The following BAZ1A variants were observed in gnomAD, a reference collection of about 807,000 sequenced individuals.
BAZ1A encodes the protein bromodomain adjacent to zinc finger domain protein 1A.
In BAZ1A, 50 loss-of-function variants were observed where a neutral mutation model predicts 185.2. The observed-to-expected ratio is 0.27, with a 90% CI of 0.22 to 0.34. The LOEUF is 0.34. Among genes scored for constraint, BAZ1A ranks in the 10% least tolerant of loss-of-function variants. BAZ1A has a pLI of 1.00. For missense variants in BAZ1A, 1,356 were observed against 1,839.9 expected (o/e 0.74, Z 4.81); for synonymous variants, 571 against 615.6 (o/e 0.93, Z 1.07).
At chr14:34,864,923 C>T (rs2042833012) in intron 2 of BAZ1A, among the ~76,000 whole-genome samples, 1 of 151,912 alleles carries the variant, frequency 6.6e-6, no homozygotes, top group Admixed American at 6.6e-5. Flanking sequence ...ACTAAAGGCA[C>T]ATGCCACCAT....
Position 34,757,138 on chromosome 14 carries a change from A to G in BAZ1A, c.4386+1566T>C, listed in dbSNP as rs1886285894. 3.3e-5 allele frequency among the ~76,000 whole-genome samples: 5 copies of G among 151,978 alleles called. No individual in the cohort carries two copies. In the South Asian group the frequency reaches 1.0e-3, roughly 32 times the overall value. On this transcript the variant is annotated intron_variant, in intron 25 of 26. Transcript: ENST00000360310. ...CCAGCACTTTGGGAGGCCAAGACACATGGATCACCTGAGGTTAGGAGTTTG... is the reference window on the plus strand; with the variant it reads ...CCAGCACTTTGGGAGGCCAAGACACGTGGATCACCTGAGGTTAGGAGTTTG...
At chr14:34,833,238 C>T (rs190061250) in intron 3 of BAZ1A, among the ~76,000 whole-genome samples, 9 of 152,020 alleles carry the variant, frequency 5.9e-5, no homozygotes, top group Non-Finnish European at 1.3e-4. Flanking sequence ...AACAAAAAAC[C>T]CCAAGCTTGG....
intron 2 of BAZ1A, among the ~76,000 whole-genome samples, chr14:34,869,172 A>G (rs953045881): frequency 1.3e-5 from 2 of 151,888 alleles, no homozygotes. Flanking sequence ...TCATGACTGC[A>G]CTCTAGCCTG....
chr14:34,786,085 A>G, intron 13 of BAZ1A, 41 bp downstream of exon 13: 1 of 1,569,426 alleles, frequency 6.4e-7, no homozygotes, highest in Non-Finnish European at 8.6e-7. Flanking sequence ...TAAAATTAAA[A>G]ATAAAAAGCC....
chr14:34,779,572 T>C (rs1202738351), intron 17 of BAZ1A, among the ~76,000 whole-genome samples: 2 of 152,130 alleles, frequency 1.3e-5, no homozygotes, highest in Non-Finnish European at 2.9e-5. Flanking sequence ...AAAGATCCCA[T>C]GCAAATTATA....
At chr14:34,758,300 G>GGCCA (rs1290548043) in intron 25 of BAZ1A, among the ~76,000 whole-genome samples, 2 of 146,596 alleles carry the variant, frequency 1.4e-5, no homozygotes, top group Non-Finnish European at 3.0e-5. Flanking sequence ...AAGAAGACAT[G>GGCCA]GCCAGGTGTG....
At chr14:34,852,020 G>A (rs1359440030) in intron 3 of BAZ1A, among the ~76,000 whole-genome samples, 10 of 152,036 alleles carry the variant, frequency 6.6e-5, no homozygotes, top group African/African-American at 2.2e-4. Context: ...CCAGTTACTC[G>A]GGAGGCTGGG....
intron 25 of BAZ1A, among the ~76,000 whole-genome samples, chr14:34,758,039 G>A (rs1175476623): frequency 2.0e-5 from 3 of 146,718 alleles, no homozygotes; most frequent in African/African-American, 5.1e-5. Context: ...GAGCCACAGC[G>A]CCCGGCCAAC....
intron 3 of BAZ1A, among the ~76,000 whole-genome samples, chr14:34,851,909 C>T (rs983779117): frequency 6.6e-6 from 1 of 151,546 alleles, no homozygotes; most frequent in Non-Finnish European, 1.5e-5. Flanking sequence ...GGGCGGATCA[C>T]GAGGTCAGGA....
chr14:34,820,907 T>G (rs1385624926), intron 4 of BAZ1A, among the ~76,000 whole-genome samples: 1 of 152,216 alleles, frequency 6.6e-6, no homozygotes, highest in East Asian at 1.9e-4. Flanking sequence ...TTTATTCTGA[T>G]TCATTGATCG....
chr14:34,839,160 A>G (rs2042373647), intron 3 of BAZ1A, among the ~76,000 whole-genome samples: 1 of 152,196 alleles, frequency 6.6e-6, no homozygotes, highest in Non-Finnish European at 1.5e-5. Context: ...AGGTGAAGCA[A>G]GGGTTAACTA....
intron 16 of BAZ1A, 126 bp from the exon 17 acceptor site, chr14:34,780,436 T>C: frequency 2.1e-6 from 2 of 940,726 alleles, no homozygotes; most frequent in Non-Finnish European, 3.0e-6. Flanking sequence ...CATGACACAG[T>C]TTTGGTCTTG....
At chr14:34,764,613 G>C in intron 23 of BAZ1A, 94 bp downstream of exon 23, 2 of 1,488,196 alleles carry the variant, frequency 1.3e-6, no homozygotes, top group Non-Finnish European at 1.8e-6. Flanking sequence ...TTTAAACTAA[G>C]TTACAGACCC....
rs1340072280 is a variant in BAZ1A at position 34,874,520 on chromosome 14, C to T, written c.85G>A (p.Val29Ile). The T allele has an allele frequency of 1.9e-6, 3 of 1,612,478 alleles. No homozygotes were observed. The highest frequency in any genetic ancestry group is 1.3e-5 in the African/African-American group (1 of 74,774). ...RPDEEVFYCK[V>I]TNEIFRHYDD... ...TAGTGGCGGAAGATCTCGTTGGTGA[C>T]TTTACAGTAGAAAACTTCCTCGTCG... The change falls in exon 2 of 27, where the codon GTC becomes ATC. Residue 29 changes from valine (V) to isoleucine (I), a missense_variant. Transcript: ENST00000360310. This position sits in a 1 kb window ranked among gnomAD's most constrained non-coding sequence, Gnocchi z 4.7.
chr14:34,857,565 C>A (rs1045742603), intron 3 of BAZ1A, among the ~76,000 whole-genome samples: 13 of 152,196 alleles, frequency 8.5e-5, no homozygotes, highest in Non-Finnish European at 1.9e-4. Context: ...AAACCAGCAT[C>A]CATCCAATCC....
chr14:34,761,192 G>A (rs1000950785), intron 24 of BAZ1A, among the ~76,000 whole-genome samples: 8 of 152,014 alleles, frequency 5.3e-5, no homozygotes, highest in Non-Finnish European at 7.4e-5. Context: ...CAGGAGAATC[G>A]CTTGAACCCA....
chr14:34,845,547 G>C (rs1462210458), intron 3 of BAZ1A, among the ~76,000 whole-genome samples: 1 of 152,064 alleles, frequency 6.6e-6, no homozygotes, highest in Non-Finnish European at 1.5e-5. Context: ...GTTTATCTAT[G>C]AGAAAAGTTT....
chr14:34,816,774 G>A, intron 4 of BAZ1A: 2 of 437,572 alleles, frequency 4.6e-6, no homozygotes, highest in Non-Finnish European at 9.2e-6. Context: ...GTCTGAGTCA[G>A]GACTGTCTAT....
At position 34,783,839 on chromosome 14, in the gene BAZ1A, T is replaced by C. The variant is rs1348195096; in HGVS notation, c.1920A>G (p.Ile640Met). 2 of 1,613,770 alleles carry C rather than the reference T, an allele frequency of 1.2e-6. No individual in the cohort carries two copies. Among genetic ancestry groups the C allele is most frequent in the Non-Finnish European group, 1.7e-6 (2 of 1,179,950 alleles). Residue 640 changes from isoleucine (I) to methionine (M), a missense_variant, in exon 15 of 27, where the codon ATA (isoleucine) becomes ATG (methionine). By Grantham distance (10) the Ile-to-Met change is conservative (BLOSUM62 1). Around this residue, in one of 7 missense-constraint regions of BAZ1A, gnomAD observed 184 missense variants for 355.1 expected, o/e 0.52. Coordinates refer to ENST00000360310, the MANE Select transcript of BAZ1A (RefSeq NM_013448.3). ...TRDFIEDYVD[I>M]LRQAKQEFRE... ...GGAACTCCTGCTTTGCCTGTCGTAATATATCAACATAATCTTCAATAAAAT... is the reference window on the plus strand; with the variant it reads ...GGAACTCCTGCTTTGCCTGTCGTAACATATCAACATAATCTTCAATAAAAT...
Sources: gnomAD v4.1 joint callset for allele counts (sites outside exome capture counted in the v4.1 genomes callset) on GRCh38, gnomAD v4.1.1 for gene constraint, gnomAD v4.1.1 regional missense constraint, Gnocchi (gnomAD v3.1) non-coding constraint, MANE v1.5 for transcripts, NCBI Gene and HGNC (gene_info 2026-07-23, HGNC 2026-07-21) for gene names.